The following RASSF8 variants were observed in gnomAD, a reference collection of about 807,000 sequenced individuals.
RASSF8 encodes ras association domain-containing protein 8.
A neutral mutation model predicts 48.5 loss-of-function variants in RASSF8; 22 were observed. The observed-to-expected ratio is 0.45, with a 90% CI of 0.32 to 0.65. The LOEUF (loss-of-function observed/expected upper bound fraction) is 0.65. Among genes scored for constraint, RASSF8 ranks in the 30% least tolerant of loss-of-function variants. RASSF8 has a pLI of 0.03. For missense variants in RASSF8, 418 were observed against 489.2 expected (o/e 0.85, Z 1.37); for synonymous variants, 127 against 171.5 (o/e 0.74, Z 2.03).
intron 2 of RASSF8, 35 bp from the exon 3 acceptor site, chr12:26,055,201 C>G: frequency 4.6e-6 from 3 of 649,848 alleles, no homozygotes; most frequent in Admixed American, 5.2e-5. Flanking sequence ...AATGTTGATT[C>G]ATTTTATTAC....
At chr12:26,056,153 A>G (rs529027584) in intron 3 of RASSF8, among the ~76,000 whole-genome samples, 2 of 152,176 alleles carry the variant, frequency 1.3e-5, no homozygotes, top group Non-Finnish European at 2.9e-5. Flanking sequence ...CCACTGCACT[A>G]CAGCTTGGGT....
chr12:26,073,734 T>TCTCTCTCTCC (rs1220770561), downstream of RASSF8, among the ~76,000 whole-genome samples: 5 of 122,616 alleles, frequency 4.1e-5, no homozygotes, highest in Non-Finnish European at 8.5e-5. Flanking sequence ...AGCGAGACTC[T>TCTCTCTCTCC]CTCTCTCTCT....
chr12:26,055,508 T>C, intron 3 of RASSF8, 62 bp downstream of exon 3: 2 of 1,335,966 alleles, frequency 1.5e-6, no homozygotes, highest in Non-Finnish European at 2.2e-6. Flanking sequence ...TGTATGTGTT[T>C]GTTTTAAATA....
intron 1 of RASSF8, among the ~76,000 whole-genome samples, chr12:25,970,186 G>A (rs535729450): frequency 6.7e-6 from 1 of 150,350 alleles, no homozygotes; most frequent in South Asian, 2.1e-4. Context: ...TTTCTGTTAT[G>A]AGTGATCTCA....
chr12:25,961,279 T>C (rs1941228320), intron 1 of RASSF8, among the ~76,000 whole-genome samples: 1 of 152,242 alleles, frequency 6.6e-6, no homozygotes, highest in South Asian at 2.1e-4. Context: ...GCTTTGCTCC[T>C]TTATTATAAA....
chr12:25,983,909 C>T (rs1329253963), intron 1 of RASSF8, among the ~76,000 whole-genome samples: 1 of 152,194 alleles, frequency 6.6e-6, no homozygotes, highest in Non-Finnish European at 1.5e-5. Flanking sequence ...ACAGCCCTTT[C>T]TGTACCTTTG....
chr12:26,040,113 A>AT, intron 2 of RASSF8, among the ~76,000 whole-genome samples: 2 of 152,270 alleles, frequency 1.3e-5, no homozygotes, highest in East Asian at 3.9e-4. Context: ...CTTTTGTTTT[A>AT]TTTTTAATAA....
chr12:26,023,345 G>C (rs1055829039), intron 2 of RASSF8, among the ~76,000 whole-genome samples: 2 of 152,238 alleles, frequency 1.3e-5, no homozygotes, highest in Middle Eastern at 3.4e-3. Context: ...ACACATCATA[G>C]TAAAAATGCT....
In RASSF8 at chr12:26,032,604, A is replaced by G. The variant is rs532364700; in HGVS notation, c.-108-22632A>G. Among the ~76,000 whole-genome samples, 30 of 151,604 alleles carry G rather than the reference A, an allele frequency of 2.0e-4. 1 individual carries two copies. Among genetic ancestry groups the G allele is most frequent in the African/African-American group, 7.0e-4 (29 of 41,218 alleles). On this transcript the variant is annotated intron_variant, in intron 2 of 5. Coordinates refer to ENST00000689635, the MANE Select transcript of RASSF8 (RefSeq NM_001394098.1). ...GGAAATGTTTCCTGGCAGTTTTTTT[A>G]TTATATTTACCTGCAATTTATAGCT...
chr12:26,005,379 G>A lies in RASSF8; in HGVS notation c.-109+10249G>A, dbSNP rs114889075. Among the ~76,000 whole-genome samples the A allele has an allele frequency of 3.0e-3, 456 of 152,310 alleles. 3 individuals carry two copies. Among genetic ancestry groups the A allele is most frequent in the African/African-American group, 0.011 (442 of 41,564 alleles). On this transcript the variant is annotated intron_variant, in intron 2 of 5. Transcript: ENST00000689635. Reference sequence around the variant, plus strand: ...GGGGTCAGTATGTAATTACCTGACAGGTGTGAAACTGCAACTGATTCTACT... The same window carrying A: ...GGGGTCAGTATGTAATTACCTGACAAGTGTGAAACTGCAACTGATTCTACT...
chr12:26,014,174 A>G (rs1942592123), intron 2 of RASSF8, among the ~76,000 whole-genome samples: 1 of 152,234 alleles, frequency 6.6e-6, no homozygotes, highest in Admixed American at 6.5e-5. Flanking sequence ...TACAGCAGCA[A>G]ACTTCAGCAA....
At chr12:25,986,286 TAA>T (rs1941873408) in intron 1 of RASSF8, among the ~76,000 whole-genome samples, 1 of 152,202 alleles carries the variant, frequency 6.6e-6, no homozygotes, top group Non-Finnish European at 1.5e-5. Context: ...TGACAATTTT[TAA>T]AAGACACACC....
chr12:26,016,834 A>T (rs1193879284), intron 2 of RASSF8, among the ~76,000 whole-genome samples: 1 of 152,212 alleles, frequency 6.6e-6, no homozygotes, highest in African/African-American at 2.4e-5. Flanking sequence ...CATTAACAAA[A>T]CAGGATAGAT....
Position 26,064,464 on chromosome 12 carries a change from AT to A in RASSF8, c.104-30del, listed in dbSNP as rs773904000. 31 of 1,492,268 alleles carry A rather than the reference AT, an allele frequency of 2.1e-5. No homozygotes were observed. The South Asian group carries it at 4.5e-4, about 22-fold the overall frequency. 92.4% of individuals were successfully genotyped at this position (1,492,268 alleles called of 1,614,324 possible). On this transcript the variant is annotated intron_variant, in intron 3 of 5. Transcript: ENST00000689635. ...CCATTTTTTAACTATTACATATCCC[AT>A]TTTGACAAGTTATTCTTACCTTTTT...
intron 2 of RASSF8, among the ~76,000 whole-genome samples, chr12:26,053,629 C>T (rs1943541301): frequency 6.6e-6 from 1 of 152,056 alleles, no homozygotes; most frequent in African/African-American, 2.4e-5. Context: ...ATTTCTTTAA[C>T]TTTGGAAGCC....
chr12:25,986,926 T>TTTTTTTTG (rs1555160453), intron 1 of RASSF8, among the ~76,000 whole-genome samples: 11 of 146,698 alleles, frequency 7.5e-5, no homozygotes, highest in Admixed American at 5.4e-4. Context: ...CGTTTTTTTT[T>TTTTTTTTG]TTTGTTTGTT....
intron 1 of RASSF8, among the ~76,000 whole-genome samples, chr12:25,975,277 T>C (rs1941579018): frequency 6.6e-6 from 1 of 152,190 alleles, no homozygotes; most frequent in African/African-American, 2.4e-5. Flanking sequence ...AAGTTAGATG[T>C]GCACAGTGGG....
chr12:25,961,878 A>G (rs895805803), intron 1 of RASSF8, among the ~76,000 whole-genome samples: 1 of 152,094 alleles, frequency 6.6e-6, no homozygotes, highest in African/African-American at 2.4e-5. Flanking sequence ...CCAGTCCATC[A>G]TAAAGTCCTG....
Position 26,022,646 on chromosome 12 carries a change from TA to T in RASSF8, c.-109+27523del, listed in dbSNP as rs1347689757. Among the ~76,000 whole-genome samples, 10 of 151,694 alleles carry T rather than the reference TA, an allele frequency of 6.6e-5. No individual in the cohort carries two copies. The South Asian group carries it at 2.1e-3, about 31-fold the overall frequency. On this transcript the variant is annotated intron_variant, in intron 2 of 5. Coordinates refer to ENST00000689635, the MANE Select transcript of RASSF8 (RefSeq NM_001394098.1). ...AATATTGGTAAATAGATAGAAATTA[TA>T]AAAAAATTATAAAAAAGAATCAAAT...
Sources: allele counts gnomAD v4.1 joint callset (sites outside exome capture counted in the v4.1 genomes callset), GRCh38; gene constraint gnomAD v4.1.1; transcripts MANE v1.5; gene names NCBI Gene and HGNC (gene_info 2026-07-23, HGNC 2026-07-21).